The following CRTAC1 variants were observed in gnomAD, a reference collection of about 807,000 sequenced individuals.
CRTAC1 encodes the protein cartilage acidic protein 1, also known as acidic secreted protein in cartilage.
A neutral mutation model predicts 67.8 loss-of-function variants in CRTAC1; 37 were observed. The ratio of observed to expected loss-of-function variants is 0.55; its 90% CI spans 0.42 to 0.72. The LOEUF (loss-of-function observed/expected upper bound fraction) is 0.72. Ranked by LOEUF, CRTAC1 falls within the 30% of genes least tolerant of loss-of-function variation. CRTAC1 has a pLI of 0.00. For missense variants in CRTAC1, 780 were observed against 931.6 expected, an observed-to-expected ratio of 0.84 and a Z score of 2.12; for synonymous variants, 348 against 371.0, an observed-to-expected ratio of 0.94 and a Z score of 0.71.
rs542229240 is a variant in CRTAC1 at position 97,989,994 on chromosome 10, C to T, written c.224+21144G>A. ...CCCTCTTCTTTCAGTGACCCTTCTC[C>T]GGCTCCTTTTAATCCCATTTTTATG... On this transcript the variant is annotated intron_variant, in intron 2 of 14. Transcript: ENST00000370597. Among the ~76,000 whole-genome samples, 197 of 152,310 alleles carry T rather than the reference C, an allele frequency of 1.3e-3. 1 individual carries two copies. The highest frequency in any genetic ancestry group is 4.4e-3 in the African/African-American group (182 of 41,574).
At chr10:97,951,394 A>G (rs556728391) in intron 2 of CRTAC1, among the ~76,000 whole-genome samples, 1 of 152,362 alleles carries the variant, frequency 6.6e-6, no homozygotes, top group African/African-American at 2.4e-5. Context: ...AAATAGTTCT[A>G]GAAGAGATTC....
At chr10:98,001,828 T>C (rs1051525864) in intron 2 of CRTAC1, among the ~76,000 whole-genome samples, 13 of 152,158 alleles carry the variant, frequency 8.5e-5, no homozygotes, top group African/African-American at 3.1e-4. Flanking sequence ...GAAAATTAAG[T>C]CAGAATCACA....
intron 3 of CRTAC1, among the ~76,000 whole-genome samples, chr10:97,927,505 C>T (rs892134015): frequency 4.6e-5 from 7 of 152,228 alleles, no homozygotes; most frequent in African/African-American, 1.7e-4. Context: ...TAGCAAGGTG[C>T]CATCCTAAGC....
chr10:97,976,968 G>T (rs544515795), intron 2 of CRTAC1, among the ~76,000 whole-genome samples: 1 of 152,310 alleles, frequency 6.6e-6, no homozygotes, highest in Non-Finnish European at 1.5e-5. Context: ...TCGGCCCAGG[G>T]ATCATCTTGT....
intron 6 of CRTAC1, 57 bp from the exon 7 acceptor site, chr10:97,904,871 C>T (rs1432300063): frequency 6.6e-7 from 1 of 1,504,416 alleles, no homozygotes; most frequent in Non-Finnish European, 8.8e-7. Context: ...TCCACAAACA[C>T]TCACCCTGCT....
intron 2 of CRTAC1, among the ~76,000 whole-genome samples, chr10:97,980,840 C>T (rs565540303): frequency 6.6e-6 from 1 of 152,256 alleles, no homozygotes; most frequent in Admixed American, 6.5e-5. Context: ...GTCACTGGCT[C>T]CCTTGCTATT....
At chr10:97,902,326 GGAA>G (rs768573311) in intron 7 of CRTAC1, among the ~76,000 whole-genome samples, 21 of 152,328 alleles carry the variant, frequency 1.4e-4, no homozygotes, top group South Asian at 4.1e-4. Flanking sequence ...CCTGCCTCAG[GGAA>G]GGTGAAAGAG....
intron 4 of CRTAC1, 68 bp downstream of exon 4, chr10:97,923,196 T>C (rs2050865034): frequency 6.3e-7 from 1 of 1,594,552 alleles, no homozygotes; most frequent in African/African-American, 1.3e-5. Flanking sequence ...AGGGGACGTC[T>C]ACACAGTGGC....
intron 2 of CRTAC1, 45 bp downstream of exon 2, chr10:98,011,093 A>C: frequency 6.4e-7 from 1 of 1,569,076 alleles, no homozygotes; most frequent in Non-Finnish European, 8.8e-7. Context: ...TTATTACAGC[A>C]AAATCTGATT....
Position 98,030,580 on chromosome 10 carries a change from GCCTC to G in CRTAC1, c.-112_-109del. On this transcript the variant is annotated 5_prime_UTR_variant, in exon 1 of 15. Coordinates refer to ENST00000370597, the MANE Select transcript of CRTAC1 (RefSeq NM_018058.7). This position sits in a 1 kb window ranked among gnomAD's most constrained non-coding sequence, Gnocchi z 4.2. ...TGCTCCCAGCCCCGGTCCCGGGCTG[GCCTC>G]GAGCCTCCCGCCCCGACGCCGCGCG... The G allele has an allele frequency of 2.8e-6, 2 of 723,062 alleles. No individual in the cohort carries two copies. The highest frequency in any genetic ancestry group is 3.8e-6 in the Non-Finnish European group (2 of 522,166). 44.8% of individuals were successfully genotyped at this position (723,062 alleles called of 1,614,324 possible).
At chr10:98,024,008 G>A (rs1285929647) in intron 1 of CRTAC1, among the ~76,000 whole-genome samples, 8 of 152,250 alleles carry the variant, frequency 5.3e-5, no homozygotes, top group Non-Finnish European at 1.2e-4. Context: ...CTTCCTAAGA[G>A]CTGTGTTAAA....
intron 6 of CRTAC1, 54 bp from the exon 7 acceptor site, chr10:97,904,868 ACACT>A (rs1269548969): frequency 3.3e-6 from 5 of 1,515,976 alleles, no homozygotes; most frequent in Admixed American, 4.7e-5. Context: ...CACTCCACAA[ACACT>A]CACCCTGCTC....
At chr10:97,904,458 G>T (rs891728592) in intron 7 of CRTAC1, among the ~76,000 whole-genome samples, 1 of 152,070 alleles carries the variant, frequency 6.6e-6, no homozygotes, top group Admixed American at 6.5e-5. Context: ...GTCTCGCTCT[G>T]TCACTCAGGC....
intron 2 of CRTAC1, among the ~76,000 whole-genome samples, chr10:97,979,542 C>G (rs1434195036): frequency 6.6e-6 from 1 of 152,188 alleles, no homozygotes; most frequent in African/African-American, 2.4e-5. Flanking sequence ...ACATGAGTCC[C>G]CCTGATTGCT....
intron 4 of CRTAC1, among the ~76,000 whole-genome samples, chr10:97,919,109 T>C (rs3793702): frequency 0.071 from 10,799 of 152,116 alleles, 476 homozygotes; most frequent in African/African-American, 0.12. Context: ...TTGAAGGGAT[T>C]ATTTTCTTTG....
At chr10:97,985,039 T>C (rs988899099) in intron 2 of CRTAC1, among the ~76,000 whole-genome samples, 41 of 152,182 alleles carry the variant, frequency 2.7e-4, no homozygotes, top group Non-Finnish European at 4.4e-5. Context: ...TGTGCCCAAC[T>C]CGTGGCTCCA....
intron 5 of CRTAC1, among the ~76,000 whole-genome samples, chr10:97,914,509 C>G (rs2050731660): frequency 1.3e-5 from 2 of 152,200 alleles, no homozygotes; most frequent in Non-Finnish European, 2.9e-5. Flanking sequence ...ATAGTTTGCC[C>G]ACTACTGCCT....
chr10:97,889,440 C>T (rs2050333417), intron 11 of CRTAC1, among the ~76,000 whole-genome samples: 1 of 135,422 alleles, frequency 7.4e-6, no homozygotes, highest in Non-Finnish European at 1.7e-5. Context: ...TGAAGAGGGG[C>T]TGTGGAACTT....
At chr10:97,977,076 A>G (rs2051817496) in intron 2 of CRTAC1, among the ~76,000 whole-genome samples, 2 of 152,318 alleles carry the variant, frequency 1.3e-5, no homozygotes, top group South Asian at 4.1e-4. Context: ...AAGCATTTCT[A>G]TGCAGTTGGT....
Sources: allele counts gnomAD v4.1 joint callset (sites outside exome capture counted in the v4.1 genomes callset), GRCh38; gene constraint gnomAD v4.1.1; non-coding constraint Gnocchi (gnomAD v3.1); transcripts MANE v1.5; gene names NCBI Gene and HGNC (gene_info 2026-07-23, HGNC 2026-07-21).